PPP5C: variants seen among roughly 807,000 people sequenced by gnomAD.
PPP5C encodes serine/threonine-protein phosphatase 5.
Under a neutral mutation model 66.7 loss-of-function variants are expected in PPP5C, and 21 were observed. The observed-to-expected ratio is 0.31, with a 90% confidence interval of 0.22 to 0.45. PPP5C has a LOEUF of 0.45. Among genes scored for constraint, PPP5C ranks in the 20% least tolerant of loss-of-function variants. PPP5C has a pLI of 1.00. For missense variants in PPP5C, 464 were observed against 675.9 expected (o/e 0.69, Z 3.48); for synonymous variants, 246 against 257.4 (o/e 0.96, Z 0.43).
intron 1 of PPP5C, among the ~76,000 whole-genome samples, chr19:46,348,521 C>T (rs538970839): frequency 2.0e-4 from 31 of 152,170 alleles, no homozygotes; most frequent in African/African-American, 7.2e-4. Flanking sequence ...GCCATGTTGG[C>T]CAGGCTGGTG....
At chr19:46,365,218 A>G (rs143507758) in intron 2 of PPP5C, among the ~76,000 whole-genome samples, 54 of 152,286 alleles carry the variant, frequency 3.5e-4, no homozygotes, top group African/African-American at 1.2e-3. Flanking sequence ...CCTGACCTCA[A>G]GTAATCTGCC....
chr19:46,354,043 C>A, intron 2 of PPP5C, 54 bp downstream of exon 2: 1 of 1,590,302 alleles, frequency 6.3e-7, no homozygotes, highest in Non-Finnish European at 8.6e-7. Context: ...ATACTGAGGG[C>A]TGGGCTGGCG....
intron 2 of PPP5C, among the ~76,000 whole-genome samples, chr19:46,358,909 G>A (rs762181997): frequency 2.0e-5 from 3 of 152,154 alleles, no homozygotes; most frequent in African/African-American, 7.2e-5. Context: ...AGTGGCTTCG[G>A]GGGATGAGTT....
intron 2 of PPP5C, among the ~76,000 whole-genome samples, chr19:46,366,004 A>G (rs1188616850): frequency 6.6e-6 from 1 of 152,168 alleles, no homozygotes; most frequent in Non-Finnish European, 1.5e-5. Flanking sequence ...CATTCTAGAA[A>G]AAGAGAGATA....
At chr19:46,378,436 C>A (rs1972733566) in intron 4 of PPP5C, among the ~76,000 whole-genome samples, 1 of 152,244 alleles carries the variant, frequency 6.6e-6, no homozygotes, top group South Asian at 2.1e-4. Flanking sequence ...ATTTTGCAGT[C>A]GTTAGTCATA....
intron 9 of PPP5C, chr19:46,387,766 C>G: frequency 7.7e-7 from 1 of 1,290,802 alleles, no homozygotes; most frequent in Non-Finnish European, 1.0e-6. Context: ...GTGCTAGTGA[C>G]GGGCACACTT....
chr19:46,351,624 C>T (rs566528886), intron 1 of PPP5C, among the ~76,000 whole-genome samples: 4 of 152,354 alleles, frequency 2.6e-5, no homozygotes, highest in South Asian at 2.1e-4. Flanking sequence ...CCATCAGGAG[C>T]GCGGGCCAGG....
At chr19:46,373,426 G>A (rs1427262880) in intron 2 of PPP5C, among the ~76,000 whole-genome samples, 3 of 152,224 alleles carry the variant, frequency 2.0e-5, no homozygotes, top group Non-Finnish European at 1.5e-5. Flanking sequence ...GAGGATAAAT[G>A]AGCAAGTGAA....
At chr19:46,389,367 ACACACACAC>A (rs1972957534) in intron 11 of PPP5C, among the ~76,000 whole-genome samples, 1 of 2,176 alleles carries the variant, frequency 4.6e-4, no homozygotes, top group African/African-American at 6.7e-4. Flanking sequence ...CTCAAAACAC[ACACACACAC>A]ACACACACAC....
chr19:46,349,902 G>GCCA (rs1197020311), intron 1 of PPP5C, among the ~76,000 whole-genome samples: 1 of 152,030 alleles, frequency 6.6e-6, no homozygotes, highest in African/African-American at 2.4e-5. Context: ...GGTGAGCAGA[G>GCCA]CCAGGCATGG....
chr19:46,386,912 G>A, intron 7 of PPP5C, 181 bp from the exon 8 acceptor site: 1 of 809,202 alleles, frequency 1.2e-6, no homozygotes, highest in East Asian at 2.7e-5. Context: ...CTTAGCCATG[G>A]ACCTACTTTT....
At chr19:46,358,410 C>G (rs939869841) in intron 2 of PPP5C, among the ~76,000 whole-genome samples, 1 of 152,188 alleles carries the variant, frequency 6.6e-6, no homozygotes, top group African/African-American at 2.4e-5. Flanking sequence ...TGGCTCCCCC[C>G]TTTCAGGCAT....
Position 46,366,466 on chromosome 19 carries a change from C to T in PPP5C, c.364-9138C>T, listed in dbSNP as rs149992486. 3.7e-3 allele frequency among the ~76,000 whole-genome samples: 559 copies of T among 152,220 alleles called. 1 individual carries two copies. Among genetic ancestry groups the T allele is most frequent in the African/African-American group, 0.013 (545 of 41,548 alleles). ...GCTCAAGTGATCCTCCCACCTCAGC[C>T]TCCCAAGTAGCTGGGACTGCAAGTG... On this transcript the variant is annotated intron_variant, in intron 2 of 12. Coordinates refer to ENST00000012443, the MANE Select transcript of PPP5C (RefSeq NM_006247.4).
Position 46,390,812 on chromosome 19 carries a change from T to C in PPP5C, c.*466T>C. On this transcript the variant is annotated 3_prime_UTR_variant, in exon 13 of 13. Transcript: ENST00000012443. ...CCCCCCTCCCCAGCTATTTTATGTC[T>C]GTAATTAAATATGTTAAAATAAAGT... 8.9e-7 allele frequency: 1 copy of C among 1,124,110 alleles called. No individual in the cohort carries two copies. The highest frequency in any genetic ancestry group is 1.6e-5 in the African/African-American group (1 of 61,884). The allele number at this position is 1,124,110 out of a possible 1,614,324, so 69.6% of individuals were successfully genotyped here.
At chr19:46,390,157 C>T in intron 12 of PPP5C, 25 bp downstream of exon 12, 1 of 1,612,112 alleles carries the variant, frequency 6.2e-7, no homozygotes, top group Non-Finnish European at 8.5e-7. Context: ...AGGGCCCCTG[C>T]CCCTTCCATC....
chr19:46,390,652 C>T lies in PPP5C; in HGVS notation c.*306C>T. 5 of 1,274,720 alleles carry T rather than the reference C, an allele frequency of 3.9e-6. No individual in the cohort carries two copies. Among genetic ancestry groups the T allele is most frequent in the Non-Finnish European group, 5.0e-6 (5 of 997,300 alleles). The allele number at this position is 1,274,720 out of a possible 1,614,324, so 79.0% of individuals were successfully genotyped here. A position where few individuals can be genotyped will look rare whatever the true frequency, so the allele number is the denominator to read the frequency against. ...GGGGCCGAGTGGCTGCCCTGCCCCC[C>T]TCATTTGCATGGCTCCTCCCCCACT... On this transcript the variant is annotated 3_prime_UTR_variant, in exon 13 of 13. Transcript: ENST00000012443.
At chr19:46,379,360 G>T (rs569044119) in intron 4 of PPP5C, among the ~76,000 whole-genome samples, 1 of 152,176 alleles carries the variant, frequency 6.6e-6, no homozygotes, top group East Asian at 1.9e-4. Context: ...CCTGATTTTT[G>T]TATTTTTAAT....
In PPP5C at chr19:46,389,438, CACACACACACACACACACACA is replaced by C. The variant is rs1972967066; in HGVS notation, c.1356-612_1356-592del. Among the ~76,000 whole-genome samples, 4 of 84,232 alleles carry C rather than the reference CACACACACACACACACACACA, an allele frequency of 4.7e-5. 1 individual carries two copies. The highest frequency in any genetic ancestry group is 2.0e-4 in the African/African-American group (4 of 20,454). 55.3% of individuals were successfully genotyped at this position (84,232 alleles called of 152,430 possible). On this transcript the variant is annotated intron_variant, in intron 11 of 12. Coordinates refer to ENST00000012443, the MANE Select transcript of PPP5C (RefSeq NM_006247.4). The stretch of plus-strand genomic sequence containing the variant: ...ACACACACACACACACACACACACA[CACACACACACACACACACACA>C]CAGTGTTGATCCCTTGCCCCCACCC...
chr19:46,355,526 G>A (rs375597987), intron 2 of PPP5C, among the ~76,000 whole-genome samples: 4 of 151,830 alleles, frequency 2.6e-5, no homozygotes, highest in African/African-American at 9.7e-5. Context: ...GAGTCCAGGG[G>A]ACACATGTTA....
Sources: gnomAD v4.1 joint callset for allele counts (sites outside exome capture counted in the v4.1 genomes callset) on GRCh38, gnomAD v4.1.1 for gene constraint, MANE v1.5 for transcripts, NCBI Gene and HGNC (gene_info 2026-07-23, HGNC 2026-07-21) for gene names.